The following SPOCK1 variants were observed in gnomAD, a reference collection of about 807,000 sequenced individuals.
SPOCK1 encodes SPARC (osteonectin), cwcv and kazal like domains proteoglycan 1.
In SPOCK1, 23 loss-of-function variants were observed where a neutral mutation model predicts 55.3. The observed-to-expected ratio is 0.42, with a 90% CI of 0.30 to 0.59. The LOEUF is 0.59. Among genes scored for constraint, SPOCK1 ranks in the 20% least tolerant of loss-of-function variants. The pLI is 0.22. For synonymous variants in SPOCK1, 226 were observed against 221.0 expected (o/e 1.02, Z -0.20); for missense variants, 499 against 552.5 (o/e 0.90, Z 0.97).
At chr5:137,077,176 G>A (rs182311600) in intron 5 of SPOCK1, among the ~76,000 whole-genome samples, 278 of 152,288 alleles carry the variant, frequency 1.8e-3, no homozygotes, top group African/African-American at 6.3e-3. Flanking sequence ...CACCCGCCTC[G>A]TCCTCCCAAA....
chr5:137,355,115 C>A (rs571543650), intron 2 of SPOCK1, among the ~76,000 whole-genome samples: 29 of 152,184 alleles, frequency 1.9e-4, no homozygotes, highest in African/African-American at 6.3e-4. Flanking sequence ...GTTGCCCAGG[C>A]TGGTCTTGAA....
intron 4 of SPOCK1, 86 bp from the exon 5 acceptor site, chr5:137,112,647 A>G: frequency 9.9e-7 from 1 of 1,011,840 alleles, no homozygotes; most frequent in Non-Finnish European, 1.3e-6. Flanking sequence ...AAAAGGCCAA[A>G]TAAATAAAGG....
intron 5 of SPOCK1, among the ~76,000 whole-genome samples, chr5:137,082,624 G>A (rs550222149): frequency 9.8e-5 from 15 of 152,300 alleles, no homozygotes; most frequent in Non-Finnish European, 2.1e-4. Context: ...TACAAGAGAA[G>A]CAGTTGGCAC....
At chr5:137,079,190 G>C (rs908226088) in intron 5 of SPOCK1, among the ~76,000 whole-genome samples, 3 of 152,200 alleles carry the variant, frequency 2.0e-5, no homozygotes, top group African/African-American at 7.2e-5. Context: ...TTCAATGACA[G>C]CTTTCTTGCC....
intron 2 of SPOCK1, among the ~76,000 whole-genome samples, chr5:137,405,059 C>T (rs975247767): frequency 8.5e-5 from 13 of 152,226 alleles, no homozygotes; most frequent in African/African-American, 3.1e-4. Flanking sequence ...ACAACACAAC[C>T]GTATCAAAGA....
chr5:137,298,265 G>A lies in SPOCK1; in HGVS notation c.187-31210C>T, dbSNP rs184556012. On this transcript the variant is annotated intron_variant, in intron 2 of 10. Coordinates refer to ENST00000394945, the MANE Select transcript of SPOCK1 (RefSeq NM_004598.4). The stretch of plus-strand genomic sequence containing the variant: ...TCTCTTGCTTTGGATACCAGAATGG[G>A]GTCTCCTGAGAGCATGTTTAATTTC... 4.6e-5 allele frequency among the ~76,000 whole-genome samples: 7 copies of A among 152,112 alleles called. No individual in the cohort carries two copies. The East Asian group carries it at 1.4e-3, about 29-fold the overall frequency.
intron 5 of SPOCK1, among the ~76,000 whole-genome samples, chr5:137,084,716 A>C (rs1752929133): frequency 6.6e-6 from 1 of 152,144 alleles, no homozygotes; most frequent in African/African-American, 2.4e-5. Context: ...AAAAAACCCA[A>C]AAAACAAAAA....
chr5:137,131,702 G>T (rs986188748), intron 4 of SPOCK1, among the ~76,000 whole-genome samples: 5 of 151,470 alleles, frequency 3.3e-5, no homozygotes, highest in Non-Finnish European at 7.4e-5. Flanking sequence ...CCCGGGTGTG[G>T]TAGCTCACGC....
intron 2 of SPOCK1, among the ~76,000 whole-genome samples, chr5:137,438,990 T>G (rs1270264646): frequency 6.6e-6 from 1 of 152,152 alleles, no homozygotes; most frequent in Non-Finnish European, 1.5e-5. Context: ...AGCACACACT[T>G]TGGAGTCAGA....
intron 2 of SPOCK1, among the ~76,000 whole-genome samples, chr5:137,494,578 T>C (rs1165911994): frequency 6.6e-6 from 1 of 152,250 alleles, no homozygotes; most frequent in Non-Finnish European, 1.5e-5. Context: ...ATGTTAGCTA[T>C]TACCTATTTC....
At chr5:137,190,057 T>C (rs1384524654) in intron 3 of SPOCK1, among the ~76,000 whole-genome samples, 2 of 146,914 alleles carry the variant, frequency 1.4e-5, no homozygotes, top group East Asian at 3.9e-4. Flanking sequence ...TTGCTTCCTA[T>C]GGATGAGAAA....
At chr5:137,114,365 C>G (rs1168642195) in intron 4 of SPOCK1, among the ~76,000 whole-genome samples, 1 of 152,146 alleles carries the variant, frequency 6.6e-6, no homozygotes, top group Non-Finnish European at 1.5e-5. Flanking sequence ...GGATGTGTCT[C>G]TCTTCTTTAG....
intron 2 of SPOCK1, among the ~76,000 whole-genome samples, chr5:137,329,888 T>C (rs1395776948): frequency 6.6e-6 from 1 of 152,146 alleles, no homozygotes; most frequent in Non-Finnish European, 1.5e-5. Context: ...GGAAATGCTA[T>C]TTTGGGGTCA....
intron 7 of SPOCK1, among the ~76,000 whole-genome samples, chr5:136,992,233 T>TA (rs1277292648): frequency 6.6e-6 from 1 of 152,206 alleles, no homozygotes; most frequent in Non-Finnish European, 1.5e-5. Flanking sequence ...CTGTTTCATA[T>TA]ATGACACCAG....
chr5:136,989,601 C>G, intron 7 of SPOCK1, among the ~76,000 whole-genome samples: 1 of 152,148 alleles, frequency 6.6e-6, no homozygotes. Flanking sequence ...CTATATCATT[C>G]CCACTGTACA....
At chr5:137,299,156 T>C (rs1266153338) in intron 2 of SPOCK1, among the ~76,000 whole-genome samples, 1 of 152,144 alleles carries the variant, frequency 6.6e-6, no homozygotes, top group Non-Finnish European at 1.5e-5. Flanking sequence ...TAGTAACTGA[T>C]ATGATGATCA....
chr5:137,308,124 G>T (rs916215954), intron 2 of SPOCK1, among the ~76,000 whole-genome samples: 7 of 152,224 alleles, frequency 4.6e-5, no homozygotes, highest in Non-Finnish European at 1.0e-4. Context: ...CAGAGCAGGA[G>T]CAATGTCCTA....
chr5:137,005,403 GAA>G (rs11305982), intron 6 of SPOCK1, among the ~76,000 whole-genome samples: 1 of 151,112 alleles, frequency 6.6e-6, no homozygotes, highest in Non-Finnish European at 1.5e-5. Context: ...TCTAGGTTTT[GAA>G]AAAAAAAGGA....
chr5:137,128,700 G>T (rs1407051862), intron 4 of SPOCK1, among the ~76,000 whole-genome samples: 1 of 152,106 alleles, frequency 6.6e-6, no homozygotes, highest in East Asian at 1.9e-4. Flanking sequence ...TGTCCCAATG[G>T]GTCTGAGCCA....
Sources: allele counts gnomAD v4.1 joint callset (sites outside exome capture counted in the v4.1 genomes callset), GRCh38; gene constraint gnomAD v4.1.1; transcripts MANE v1.5; gene names NCBI Gene and HGNC (gene_info 2026-07-23, HGNC 2026-07-21).